DTNA: variants seen among roughly 807,000 people sequenced by gnomAD.
DTNA encodes dystrobrevin alpha, also known as dystrophin-related protein 3.
In DTNA, 43 loss-of-function variants were observed where a neutral mutation model predicts 100.7. That is an observed-to-expected ratio of 0.43 (90% confidence interval 0.33 to 0.55). DTNA has a LOEUF of 0.55. DTNA is among the 20% of genes least tolerant of loss of function. The pLI is 0.04. For missense variants in DTNA, 798 were observed against 953.9 expected (o/e 0.84, Z 2.15); for synonymous variants, 349 against 347.9 (o/e 1.00, Z -0.04).
intron 11 of DTNA, among the ~76,000 whole-genome samples, chr18:34,835,078 C>T (rs1400825073): frequency 6.6e-6 from 1 of 152,032 alleles, no homozygotes; most frequent in African/African-American, 2.4e-5. Context: ...CTATTTTTGT[C>T]TTGTTTTCAT....
intron 13 of DTNA, among the ~76,000 whole-genome samples, chr18:34,843,436 T>C (rs552661583): frequency 1.3e-5 from 2 of 152,124 alleles, no homozygotes; most frequent in Non-Finnish European, 2.9e-5. Flanking sequence ...TGCCATAGAC[T>C]TGATGGCTTG....
intron 1 of DTNA, among the ~76,000 whole-genome samples, chr18:34,746,791 A>G (rs973302225): frequency 6.6e-6 from 1 of 152,090 alleles, no homozygotes; most frequent in African/African-American, 2.4e-5. Context: ...ACCCATGCCA[A>G]TCTGCTCCCA....
intron 5 of DTNA, among the ~76,000 whole-genome samples, chr18:34,808,666 C>G (rs902387882): frequency 9.9e-5 from 15 of 152,082 alleles, no homozygotes; most frequent in Non-Finnish European, 1.2e-4. Flanking sequence ...AAAACCCTTC[C>G]AGTTCTCTCT....
intron 6 of DTNA, among the ~76,000 whole-genome samples, 190 bp downstream of exon 6, chr18:34,812,303 A>G (rs1182090747): frequency 6.6e-6 from 1 of 152,188 alleles, no homozygotes; most frequent in African/African-American, 2.4e-5. Context: ...TCACAATAAT[A>G]GACAGTGTTT....
At position 34,763,585 on chromosome 18, in the gene DTNA, C is replaced by T. The variant is rs112016024; in HGVS notation, c.68-2376C>T. ...CTTAATAAAAGCTGGCATAATGAGC[C>T]GTCTATTTTTAAAAAAAGATCACAT... On this transcript the variant is annotated intron_variant, in intron 2 of 22. Coordinates refer to ENST00000444659, the MANE Select transcript of DTNA (RefSeq NM_001386795.1). Among the ~76,000 whole-genome samples, 596 of 151,986 alleles carry T rather than the reference C, an allele frequency of 3.9e-3. 5 individuals carry two copies. Among genetic ancestry groups the T allele is most frequent in the African/African-American group, 0.013 (557 of 41,440 alleles).
intron 1 of DTNA, among the ~76,000 whole-genome samples, chr18:34,537,052 G>C (rs2043786671): frequency 6.6e-6 from 1 of 151,950 alleles, no homozygotes; most frequent in Non-Finnish European, 1.5e-5. Context: ...TTGCTCTCTT[G>C]AAGTCAAACT....
At chr18:34,503,279 A>AT (rs869258771) in intron 1 of DTNA, among the ~76,000 whole-genome samples, 1,364 of 62,126 alleles carry the variant, frequency 0.022, 191 homozygotes, top group African/African-American at 0.033. Context: ...TAATTGGCTC[A>AT]TTTTTTTTTT....
At chr18:34,767,015 C>T (rs1272323064) in intron 3 of DTNA, among the ~76,000 whole-genome samples, 3 of 152,012 alleles carry the variant, frequency 2.0e-5, no homozygotes, top group African/African-American at 7.2e-5. Flanking sequence ...ATTGTATTAC[C>T]ATATCCATTT....
At chr18:34,740,437 T>G (rs1014238614) in intron 1 of DTNA, among the ~76,000 whole-genome samples, 3 of 152,172 alleles carry the variant, frequency 2.0e-5, no homozygotes, top group African/African-American at 7.2e-5. Flanking sequence ...TGAGGGACAC[T>G]TCTTTCCATA....
chr18:34,868,859 A>T (rs2096735782), intron 17 of DTNA: 1 of 819,208 alleles, frequency 1.2e-6, no homozygotes, highest in Non-Finnish European at 1.5e-6. Context: ...TTTAAGATTT[A>T]TTGAAGGAAC....
rs377416046 is a variant in DTNA, at chr18:34,867,161, C to T, written c.1743+3099C>T. 1.6e-4 allele frequency: 203 copies of T among 1,231,258 alleles called. No individual in the cohort carries two copies. The African/African-American group carries it at 2.5e-3, about 15-fold the overall frequency. 76.3% of individuals were successfully genotyped at this position (1,231,258 alleles called of 1,614,324 possible). ...AGAACCACAACCTGTCCAATTTCAA[C>T]GTATCTTTCATTTCTTCTGTATGCT... On this transcript the variant is annotated intron_variant, in intron 17 of 22. Transcript: ENST00000444659.
At chr18:34,805,785 CA>C (rs34255919) in intron 4 of DTNA, among the ~76,000 whole-genome samples, 33,393 of 129,026 alleles carry the variant, frequency 0.26, 3,649 homozygotes, top group African/African-American at 0.31. Context: ...AATTCTCTGA[CA>C]AAAAAAAAAA....
intron 1 of DTNA, among the ~76,000 whole-genome samples, chr18:34,518,654 C>A (rs2041880589): frequency 7.0e-6 from 1 of 142,208 alleles, no homozygotes; most frequent in Non-Finnish European, 1.5e-5. Context: ...GTTGCTCCAA[C>A]AAAAATGTCT....
chr18:34,890,087 G>T lies in DTNA; in HGVS notation c.*2353G>T, dbSNP rs2096956413. ...CTCCACCACTGACTGGACCGAGCTG[G>T]CATATGTTGTTTCTTTGTGTTTCTA... On this transcript the variant is annotated 3_prime_UTR_variant, in exon 23 of 23. Coordinates refer to ENST00000444659, the MANE Select transcript of DTNA (RefSeq NM_001386795.1). 2 of 1,394,936 alleles carry T rather than the reference G, an allele frequency of 1.4e-6. No homozygotes were observed. Among genetic ancestry groups the T allele is most frequent in the South Asian group, 3.5e-5 (2 of 57,804 alleles). 86.4% of individuals were successfully genotyped at this position (1,394,936 alleles called of 1,614,324 possible).
intron 1 of DTNA, among the ~76,000 whole-genome samples, chr18:34,668,738 G>C (rs2076305878): frequency 6.6e-6 from 1 of 152,102 alleles, no homozygotes. Context: ...GAGCGGTTTT[G>C]AGTGAGTTTC....
chr18:34,616,724 C>G (rs2055363064), intron 1 of DTNA, among the ~76,000 whole-genome samples: 1 of 152,138 alleles, frequency 6.6e-6, no homozygotes, highest in Non-Finnish European at 1.5e-5. Flanking sequence ...GCAATATGGT[C>G]ATATTAACAA....
At chr18:34,857,744 G>A (rs1322385308) in intron 15 of DTNA, among the ~76,000 whole-genome samples, 1 of 152,096 alleles carries the variant, frequency 6.6e-6, no homozygotes, top group Non-Finnish European at 1.5e-5. Flanking sequence ...TTGTCTAACT[G>A]GGGTTTTCTC....
Position 34,887,906 on chromosome 18 carries a change from A to G in DTNA, c.*172A>G. The G allele has an allele frequency of 1.0e-6, 1 of 986,876 alleles. No homozygotes were observed. Among genetic ancestry groups the G allele is most frequent in the Non-Finnish European group, 1.2e-6 (1 of 830,246 alleles). The allele number at this position is 986,876 out of a possible 1,614,324, so 61.1% of individuals were successfully genotyped here. A position where few individuals can be genotyped will look rare whatever the true frequency, so the allele number is the denominator to read the frequency against. On this transcript the variant is annotated 3_prime_UTR_variant, in exon 23 of 23. Transcript: ENST00000444659. ...GAACCACCACACCCAGCAGCTCCTG[A>G]CAGACCCCCACCCCTAAAGATGTGT...
intron 1 of DTNA, among the ~76,000 whole-genome samples, chr18:34,710,967 G>A (rs1429323995): frequency 6.6e-6 from 1 of 151,840 alleles, no homozygotes; most frequent in Non-Finnish European, 1.5e-5. Flanking sequence ...ATTATTGCGA[G>A]CCTCATCTAA....
Sources: gnomAD v4.1 joint callset for allele counts (sites outside exome capture counted in the v4.1 genomes callset) on GRCh38, gnomAD v4.1.1 for gene constraint, MANE v1.5 for transcripts, NCBI Gene and HGNC (gene_info 2026-07-23, HGNC 2026-07-21) for gene names.